CADPS: variants seen among roughly 807,000 people sequenced by gnomAD.
The protein encoded by CADPS is calcium dependent secretion activator.
In CADPS, 57 loss-of-function variants were observed where a neutral mutation model predicts 167.3. That is an observed-to-expected ratio of 0.34 (90% confidence interval 0.28 to 0.42). The LOEUF is 0.42. Among genes scored for constraint, CADPS ranks in the 20% least tolerant of loss-of-function variants. The pLI, the probability that CADPS is intolerant of heterozygous loss-of-function variation, is 1.00. For synonymous variants in CADPS, 676 were observed against 635.3 expected (o/e 1.06, Z -0.96); for missense variants, 1,414 against 1,738.1 (o/e 0.81, Z 3.32).
rs1340035417 is a variant in CADPS, at chr3:62,778,345, T to C, written c.442-12361A>G. Reference sequence around the variant, plus strand: ...TTAACAATTGTTCAAATTTCATTTTTTAGTAAGTCTATTTTTTAGTAACTC... The same window carrying C: ...TTAACAATTGTTCAAATTTCATTTTCTAGTAAGTCTATTTTTTAGTAACTC... On this transcript the variant is annotated intron_variant, in intron 1 of 29. Transcript: ENST00000383710. Among the ~76,000 whole-genome samples the C allele has an allele frequency of 2.0e-5, 3 of 152,246 alleles. No individual in the cohort carries two copies. In the East Asian group the frequency reaches 5.8e-4, roughly 29 times the overall value.
At chr3:62,736,902 G>A (rs2152246561) in intron 3 of CADPS, among the ~76,000 whole-genome samples, 1 of 152,282 alleles carries the variant, frequency 6.6e-6, no homozygotes, top group East Asian at 1.9e-4. Flanking sequence ...GCTTTGGGAG[G>A]CTGAGGCAGG....
chr3:62,834,746 T>C (rs984015481), intron 1 of CADPS, among the ~76,000 whole-genome samples: 4 of 152,178 alleles, frequency 2.6e-5, no homozygotes, highest in African/African-American at 9.7e-5. Context: ...GCTCCTCCTT[T>C]CTGTCTGCTT....
intron 1 of CADPS, among the ~76,000 whole-genome samples, chr3:62,781,255 C>A (rs1391515948): frequency 6.6e-6 from 1 of 152,166 alleles, no homozygotes; most frequent in African/African-American, 2.4e-5. Flanking sequence ...GCAGACAAAG[C>A]CACCAGCCCT....
chr3:62,631,537 A>G (rs1444158901), intron 6 of CADPS, among the ~76,000 whole-genome samples: 1 of 152,188 alleles, frequency 6.6e-6, no homozygotes, highest in East Asian at 1.9e-4. Context: ...GCACAAATAT[A>G]ACTAAGACAT....
At chr3:62,817,270 A>G (rs547655699) in intron 1 of CADPS, among the ~76,000 whole-genome samples, 1 of 152,238 alleles carries the variant, frequency 6.6e-6, no homozygotes, top group East Asian at 1.9e-4. Context: ...GGTCAGATAC[A>G]CAGTATTGAG....
intron 3 of CADPS, among the ~76,000 whole-genome samples, chr3:62,727,058 C>T (rs1310359635): frequency 6.6e-6 from 1 of 151,856 alleles, no homozygotes; most frequent in East Asian, 1.9e-4. Context: ...AACTTCTTGG[C>T]ACTATTTACT....
chr3:62,490,517 A>T (rs2063526847), intron 21 of CADPS, among the ~76,000 whole-genome samples: 1 of 152,204 alleles, frequency 6.6e-6, no homozygotes, highest in African/African-American at 2.4e-5. Context: ...AGCCTGCCAA[A>T]CATTTTCAAA....
chr3:62,446,268 C>G lies in CADPS; in HGVS notation c.3637-471G>C, dbSNP rs2057204909. Among the ~76,000 whole-genome samples, 1 of 152,134 alleles carries G rather than the reference C, an allele frequency of 6.6e-6. No homozygotes were observed. The highest frequency in any genetic ancestry group is 2.4e-5 in the African/African-American group (1 of 41,420). ...TAAGAGGAAGATGGACATCCTCAAC[C>G]CAGAGGGAGATGGTGTCTGCGGGTA... On this transcript the variant is annotated intron_variant, in intron 26 of 29. Transcript: ENST00000383710. The surrounding 1 kb of genome is among the most constrained non-coding windows in gnomAD (Gnocchi z 4.9).
At chr3:62,580,770 A>C (rs770012866) in intron 8 of CADPS, among the ~76,000 whole-genome samples, 2 of 152,186 alleles carry the variant, frequency 1.3e-5, no homozygotes, top group Non-Finnish European at 2.9e-5. Flanking sequence ...TAAAGTAATG[A>C]ATCTATAAAA....
At chr3:62,654,450 G>A (rs558120145) in intron 4 of CADPS, among the ~76,000 whole-genome samples, 1 of 152,316 alleles carries the variant, frequency 6.6e-6, no homozygotes, top group African/African-American at 2.4e-5. Flanking sequence ...CCACCAGGTT[G>A]AGTTGGCTGA....
At chr3:62,608,692 A>G (rs1185694452) in intron 6 of CADPS, among the ~76,000 whole-genome samples, 1 of 152,168 alleles carries the variant, frequency 6.6e-6, no homozygotes, top group Non-Finnish European at 1.5e-5. Context: ...GAGTTTATAC[A>G]GTTCCTTTTA....
At chr3:62,632,149 G>A (rs1182750660) in intron 6 of CADPS, among the ~76,000 whole-genome samples, 3 of 152,140 alleles carry the variant, frequency 2.0e-5, no homozygotes, top group Admixed American at 6.5e-5. Context: ...ATTTTCATAC[G>A]AGGTTATCTA....
intron 6 of CADPS, among the ~76,000 whole-genome samples, chr3:62,644,828 G>A (rs1378238367): frequency 2.6e-5 from 4 of 152,128 alleles, no homozygotes; most frequent in African/African-American, 7.2e-5. Flanking sequence ...TCACAAACTG[G>A]TTCAGGTGCC....
chr3:62,411,056 T>C (rs993191985), intron 28 of CADPS, among the ~76,000 whole-genome samples: 1 of 152,082 alleles, frequency 6.6e-6, no homozygotes, highest in African/African-American at 2.4e-5. Context: ...AGTGCTATGA[T>C]TGTGCCACTG....
At chr3:62,726,946 T>C (rs1439628875) in intron 3 of CADPS, among the ~76,000 whole-genome samples, 1 of 151,894 alleles carries the variant, frequency 6.6e-6, no homozygotes, top group Non-Finnish European at 1.5e-5. Context: ...GTCATTGCTT[T>C]AAGATCACAC....
intron 3 of CADPS, among the ~76,000 whole-genome samples, chr3:62,726,343 A>G (rs919976639): frequency 3.9e-5 from 6 of 152,056 alleles, no homozygotes; most frequent in African/African-American, 1.5e-4. Context: ...TCCTCATAGC[A>G]TAAGTAATGG....
rs146998598 is a variant in CADPS, at chr3:62,874,712, C to T, written c.318G>A (p.Glu106=). ...TCTCCTCCTCCTCTTTCTGCAGCCG[C>T]TCCAACTCTTCCTTCTCCTTCTCGC... is the stretch of plus-strand genomic sequence containing the variant. ...VVSEKEKEEL[E]RLQKEEEERK... is the part of the protein sequence containing the mutation. Residue 106 remains glutamate (E), a synonymous_variant, in exon 1 of 30, where the codon GAG becomes GAA. Transcript: ENST00000383710. This position sits in a 1 kb window ranked among gnomAD's most constrained non-coding sequence, Gnocchi z 7.1. 6.5e-7 allele frequency: 1 copy of T among 1,544,058 alleles called. No individual in the cohort carries two copies. The highest frequency in any genetic ancestry group is 1.9e-5 in the Admixed American group (1 of 51,328).
chr3:62,581,165 T>C (rs2083356012), intron 8 of CADPS, among the ~76,000 whole-genome samples: 1 of 152,182 alleles, frequency 6.6e-6, no homozygotes, highest in South Asian at 2.1e-4. Flanking sequence ...ATGGTAACTC[T>C]AATATCTTGT....
intron 10 of CADPS, among the ~76,000 whole-genome samples, chr3:62,551,651 TA>T (rs2077337204): frequency 6.6e-6 from 1 of 152,168 alleles, no homozygotes; most frequent in Admixed American, 6.5e-5. Context: ...CTGCCACCTC[TA>T]ACCTCCTCTC....
Sources: gnomAD v4.1 joint callset for allele counts (sites outside exome capture counted in the v4.1 genomes callset) on GRCh38, gnomAD v4.1.1 for gene constraint, Gnocchi (gnomAD v3.1) non-coding constraint, MANE v1.5 for transcripts, NCBI Gene and HGNC (gene_info 2026-07-23, HGNC 2026-07-21) for gene names.